KIAA0586: variants seen among roughly 807,000 people sequenced by gnomAD.
The protein encoded by KIAA0586 is KIAA0586, also known as protein TALPID3.
Under a neutral mutation model 169.8 loss-of-function variants are expected in KIAA0586, and 144 were observed. The observed-to-expected ratio is 0.85, with a 90% CI of 0.74 to 0.97. The LOEUF is 0.97. Among genes scored for constraint, KIAA0586 ranks in the 50% least tolerant of loss-of-function variants. KIAA0586 has a pLI of 0.00. For missense variants in KIAA0586, 1,854 were observed against 1,823.0 expected (o/e 1.02, Z -0.31); for synonymous variants, 625 against 612.4 (o/e 1.02, Z -0.30).
rs532789379 is a variant in KIAA0586 at position 58,444,205 on chromosome 14, A to G, written c.807+30A>G. ...CTGTAATAAATCCAGTACAGATTCC[A>G]TAATCTTTTATCACTTGGATCTCTC... On this transcript the variant is annotated intron_variant, in intron 6 of 30. Transcript: ENST00000652326. 3.5e-4 allele frequency: 480 copies of G among 1,361,002 alleles called. 1 individual carries two copies. The South Asian group carries it at 5.3e-3, about 15-fold the overall frequency. 84.3% of individuals were successfully genotyped at this position (1,361,002 alleles called of 1,614,324 possible).
chr14:58,462,215 C>A (rs188620402), intron 14 of KIAA0586, among the ~76,000 whole-genome samples: 1 of 150,452 alleles, frequency 6.6e-6, no homozygotes, highest in Admixed American at 6.6e-5. Context: ...GGTATTTACC[C>A]TGAAGTTTTC....
Position 58,521,519 on chromosome 14 carries a change from C to T in KIAA0586, c.4429+8892C>T, listed in dbSNP as rs2045227522. The T allele has an allele frequency of 5.2e-6, 4 of 772,986 alleles. No individual in the cohort carries two copies. The Admixed American group carries it at 7.0e-5, about 14-fold the overall frequency. The allele number at this position is 772,986 out of a possible 1,614,324, so 47.9% of individuals were successfully genotyped here. A position where few individuals can be genotyped will look rare whatever the true frequency, so the allele number is the denominator to read the frequency against. On this transcript the variant is annotated intron_variant, in intron 29 of 30. Transcript: ENST00000652326. ...AGTTACCCAGCACATGTTCCTCCTC[C>T]TCCTATTGCTCGGGCTGTAGTGCCC...
chr14:58,496,561 A>T (rs2141280980), intron 26 of KIAA0586, among the ~76,000 whole-genome samples: 1 of 152,312 alleles, frequency 6.6e-6, no homozygotes, highest in South Asian at 2.1e-4. Flanking sequence ...AAGGATGTTG[A>T]GGCAATCAGT....
At chr14:58,520,853 T>A (rs1367120165) in intron 29 of KIAA0586, 3 of 163,474 alleles carry the variant, frequency 1.8e-5, no homozygotes, top group Non-Finnish European at 4.0e-5. Flanking sequence ...TCCATCCATA[T>A]TGTAGCAGGT....
intron 7 of KIAA0586, among the ~76,000 whole-genome samples, chr14:58,449,740 T>A (rs971914565): frequency 2.0e-5 from 3 of 152,210 alleles, no homozygotes; most frequent in Non-Finnish European, 2.9e-5. Flanking sequence ...TGGACACTTT[T>A]TTCATAACTC....
intron 4 of KIAA0586, among the ~76,000 whole-genome samples, chr14:58,434,120 A>C (rs148301183): frequency 6.6e-6 from 1 of 152,240 alleles, no homozygotes; most frequent in African/African-American, 2.4e-5. Flanking sequence ...AATGTTTTCA[A>C]CTAGTTCTAG....
chr14:58,449,859 A>G (rs561649193), intron 7 of KIAA0586, among the ~76,000 whole-genome samples: 2 of 152,288 alleles, frequency 1.3e-5, no homozygotes, highest in African/African-American at 2.4e-5. Flanking sequence ...TGTATATATA[A>G]ATTACAGTAA....
At chr14:58,521,472 G>A (rs2045222824) in intron 29 of KIAA0586, 1 of 759,728 alleles carries the variant, frequency 1.3e-6, no homozygotes, top group Non-Finnish European at 2.4e-6. Context: ...ACTTTCAACG[G>A]GATTATTATG....
chr14:58,460,937 G>C (rs748388289), intron 13 of KIAA0586, 49 bp from the exon 14 acceptor site: 2 of 1,353,240 alleles, frequency 1.5e-6, no homozygotes, highest in South Asian at 3.5e-5. Context: ...AATGAGATAA[G>C]TGTTTGATGA....
At chr14:58,509,853 A>C (rs1310106834) in intron 28 of KIAA0586, among the ~76,000 whole-genome samples, 1 of 152,018 alleles carries the variant, frequency 6.6e-6, no homozygotes, top group Non-Finnish European at 1.5e-5. Flanking sequence ...CAAAAATAAG[A>C]ACTTCTGTTC....
At chr14:58,470,112 G>A (rs1398174600) in intron 16 of KIAA0586, among the ~76,000 whole-genome samples, 2 of 150,662 alleles carry the variant, frequency 1.3e-5, no homozygotes, top group African/African-American at 4.9e-5. Context: ...GTGTGTGTAA[G>A]TTTTTTTTGT....
chr14:58,440,805 T>G (rs969400764), intron 4 of KIAA0586, among the ~76,000 whole-genome samples: 1 of 151,914 alleles, frequency 6.6e-6, no homozygotes, highest in South Asian at 2.1e-4. Flanking sequence ...GTCAGACTTA[T>G]AGAAGCAGAA....
intron 18 of KIAA0586, among the ~76,000 whole-genome samples, chr14:58,473,789 C>T (rs1428924624): frequency 6.6e-6 from 1 of 151,908 alleles, no homozygotes; most frequent in African/African-American, 2.4e-5. Flanking sequence ...GCCTGTAATG[C>T]CAGCATCTCG....
chr14:58,461,665 C>T (rs952631816), intron 14 of KIAA0586, among the ~76,000 whole-genome samples: 2 of 152,048 alleles, frequency 1.3e-5, no homozygotes, highest in Non-Finnish European at 2.9e-5. Context: ...GATGATGAAT[C>T]TTGAGCATCT....
intron 4 of KIAA0586, chr14:58,433,066 G>A (rs1253789248): frequency 6.6e-6 from 1 of 152,214 alleles, no homozygotes; most frequent in Non-Finnish European, 1.5e-5. Flanking sequence ...CTTTACATTT[G>A]AATGATATGT....
chr14:58,440,137 C>T, intron 4 of KIAA0586: 1 of 424,236 alleles, frequency 2.4e-6, no homozygotes, highest in Non-Finnish European at 4.7e-6. Context: ...CCTGCCTCAG[C>T]CTCCCACAGT....
At chr14:58,457,204 C>T (rs139265388) in intron 10 of KIAA0586, among the ~76,000 whole-genome samples, 94 of 152,294 alleles carry the variant, frequency 6.2e-4, no homozygotes, top group African/African-American at 2.2e-3. Context: ...TATTATTGGT[C>T]GCTGGACTGC....
rs184437837 is a variant in KIAA0586, at chr14:58,512,904, A to G, written c.4429+277A>G. On this transcript the variant is annotated intron_variant, in intron 29 of 30. Coordinates refer to ENST00000652326, the MANE Select transcript of KIAA0586 (RefSeq NM_001329943.3). The stretch of plus-strand genomic sequence containing the variant: ...TTTAGTTCTTGTTCAATTGAATACC[A>G]AGGTCTTTTTATCTGTATATAGGTC... 1.5e-3 allele frequency among the ~76,000 whole-genome samples: 229 copies of G among 152,178 alleles called. 1 individual carries two copies. Among genetic ancestry groups the G allele is most frequent in the Non-Finnish European group, 2.5e-3 (171 of 67,956 alleles).
At chr14:58,436,163 A>G (rs1197519035) in intron 4 of KIAA0586, among the ~76,000 whole-genome samples, 1 of 152,212 alleles carries the variant, frequency 6.6e-6, no homozygotes, top group African/African-American at 2.4e-5. Context: ...AGAAAATGAA[A>G]TCAGTTATGG....
Sources: allele counts gnomAD v4.1 joint callset (sites outside exome capture counted in the v4.1 genomes callset), GRCh38; gene constraint gnomAD v4.1.1; transcripts MANE v1.5; gene names NCBI Gene and HGNC (gene_info 2026-07-23, HGNC 2026-07-21).